Variants in PIP5K1B observed in about 807,000 individuals in gnomAD.
PIP5K1B encodes phosphatidylinositol-4-phosphate 5-kinase type 1 beta.
Under a neutral mutation model 67.0 loss-of-function variants are expected in PIP5K1B, and 42 were observed. The ratio of observed to expected loss-of-function variants is 0.63; its 90% confidence interval spans 0.49 to 0.81. PIP5K1B has a LOEUF of 0.81. PIP5K1B is among the 30% of genes least tolerant of loss of function. The pLI, the probability that PIP5K1B is intolerant of heterozygous loss-of-function variation, is 0.00. For missense variants in PIP5K1B, 459 were observed against 646.3 expected (o/e 0.71, Z 3.14); for synonymous variants, 214 against 231.4 (o/e 0.92, Z 0.68).
At chr9:68,922,786 T>G (rs938640180) in intron 11 of PIP5K1B, among the ~76,000 whole-genome samples, 1 of 152,304 alleles carries the variant, frequency 6.6e-6, no homozygotes, top group Admixed American at 6.5e-5. Flanking sequence ...TAGCCTTGTC[T>G]CCTAGGAATC....
At chr9:68,859,717 T>C (rs1822964335) in intron 4 of PIP5K1B, among the ~76,000 whole-genome samples, 1 of 152,156 alleles carries the variant, frequency 6.6e-6, no homozygotes, top group Admixed American at 6.5e-5. Flanking sequence ...GGACTATTGG[T>C]TCTAATACTG....
chr9:68,819,525 G>C (rs2132059606), intron 3 of PIP5K1B, among the ~76,000 whole-genome samples: 1 of 152,246 alleles, frequency 6.6e-6, no homozygotes, highest in Admixed American at 6.5e-5. Flanking sequence ...ATCCCATCCT[G>C]GCGTCCCAAA....
intron 9 of PIP5K1B, 141 bp downstream of exon 9, chr9:68,917,900 C>T: frequency 4.8e-6 from 3 of 624,986 alleles, no homozygotes; most frequent in Non-Finnish European, 8.5e-6. Context: ...AAACTGGTCT[C>T]CATTTCTATT....
At chr9:68,761,056 A>G (rs1830161684) in intron 2 of PIP5K1B, among the ~76,000 whole-genome samples, 1 of 152,042 alleles carries the variant, frequency 6.6e-6, no homozygotes, top group Admixed American at 6.6e-5. Flanking sequence ...GAGAGAGAGA[A>G]TGAAGATTCT....
intron 14 of PIP5K1B, among the ~76,000 whole-genome samples, chr9:68,966,181 A>G (rs1829022485): frequency 6.6e-6 from 1 of 152,146 alleles, no homozygotes. Flanking sequence ...AAATAAATAA[A>G]TGGAGGAGAG....
At chr9:68,991,292 T>C (rs780192310) in intron 15 of PIP5K1B, 35 bp downstream of exon 15, 8 of 1,124,008 alleles carry the variant, frequency 7.1e-6, no homozygotes, top group Non-Finnish European at 9.6e-6. Flanking sequence ...CCTCCACTTC[T>C]GGTTTGTAAA....
chr9:68,979,246 G>A (rs1281236945), intron 14 of PIP5K1B, among the ~76,000 whole-genome samples: 1 of 152,162 alleles, frequency 6.6e-6, no homozygotes, highest in Non-Finnish European at 1.5e-5. Context: ...TGCCACCAGA[G>A]GTGAGACAAG....
chr9:68,819,361 A>G (rs1393840761), intron 3 of PIP5K1B, among the ~76,000 whole-genome samples: 1 of 151,924 alleles, frequency 6.6e-6, no homozygotes, highest in African/African-American at 2.4e-5. Flanking sequence ...GCAGCCTCAA[A>G]CTCCTGGGCT....
chr9:68,982,608 A>G (rs1260916972), intron 14 of PIP5K1B, among the ~76,000 whole-genome samples: 3 of 152,076 alleles, frequency 2.0e-5, no homozygotes, highest in Admixed American at 1.3e-4. Context: ...AATACAAAAA[A>G]AAAAGTAGTT....
chr9:68,795,918 CAT>C (rs1832266601), intron 2 of PIP5K1B, among the ~76,000 whole-genome samples: 1 of 152,044 alleles, frequency 6.6e-6, no homozygotes, highest in Admixed American at 6.5e-5. Context: ...GTATTTTAAT[CAT>C]GTGAAAAAAA....
intron 2 of PIP5K1B, among the ~76,000 whole-genome samples, chr9:68,755,967 G>A (rs1443807157): frequency 6.6e-6 from 1 of 152,174 alleles, no homozygotes; most frequent in Non-Finnish European, 1.5e-5. Context: ...TCAGCAACTG[G>A]GTGGCCTCTG....
chr9:68,745,058 C>G (rs1397154643), intron 2 of PIP5K1B, among the ~76,000 whole-genome samples: 3 of 152,196 alleles, frequency 2.0e-5, no homozygotes, highest in African/African-American at 7.2e-5. Context: ...ACTGTCGTTT[C>G]CTTTGGCTTG....
intron 11 of PIP5K1B, 24 bp downstream of exon 11, chr9:68,919,753 A>T: frequency 7.5e-7 from 1 of 1,341,626 alleles, no homozygotes; most frequent in Admixed American, 1.7e-5. Context: ...TTTCCTTATT[A>T]TACTGTATAT....
At chr9:68,909,745 T>C (rs1825772033) in intron 8 of PIP5K1B, among the ~76,000 whole-genome samples, 2 of 152,228 alleles carry the variant, frequency 1.3e-5, no homozygotes, top group Non-Finnish European at 2.9e-5. Context: ...TAGGTCTGAC[T>C]TCATATTTGA....
intron 2 of PIP5K1B, among the ~76,000 whole-genome samples, chr9:68,764,280 A>T (rs112222982): frequency 5.3e-5 from 8 of 151,730 alleles, no homozygotes; most frequent in African/African-American, 1.9e-4. Flanking sequence ...ACAGTGCGTT[A>T]TTTTTGGGAA....
At chr9:68,982,445 T>G (rs1167220778) in intron 14 of PIP5K1B, among the ~76,000 whole-genome samples, 1 of 152,162 alleles carries the variant, frequency 6.6e-6, no homozygotes, top group Non-Finnish European at 1.5e-5. Flanking sequence ...GACATTTAAA[T>G]GAAAATCCTT....
rs185757577 is a variant in PIP5K1B, at chr9:68,746,572, A to G, written c.-86+3915A>G. Among the ~76,000 whole-genome samples the G allele has an allele frequency of 3.6e-3, 548 of 152,218 alleles. 2 individuals carry two copies. Among genetic ancestry groups the G allele is most frequent in the African/African-American group, 0.012 (508 of 41,544 alleles). ...GCAAGTGGAGCAGAGGTGCCACCCCATGTTACAGATACCCACACCAAGGAG... is the reference window on the plus strand; with the variant it reads ...GCAAGTGGAGCAGAGGTGCCACCCCGTGTTACAGATACCCACACCAAGGAG... On this transcript the variant is annotated intron_variant, in intron 2 of 15. Transcript: ENST00000265382.
intron 13 of PIP5K1B, among the ~76,000 whole-genome samples, chr9:68,937,470 T>C (rs1403048250): frequency 6.6e-6 from 1 of 152,226 alleles, no homozygotes; most frequent in Non-Finnish European, 1.5e-5. Context: ...CATTTTTTAT[T>C]GCATCCATTT....
intron 4 of PIP5K1B, among the ~76,000 whole-genome samples, chr9:68,836,607 A>T (rs1206356443): frequency 6.7e-6 from 1 of 149,494 alleles, no homozygotes; most frequent in African/African-American, 2.5e-5. Flanking sequence ...AGCATATGGG[A>T]TATGTACACA....
Sources: gnomAD v4.1 joint callset for allele counts (sites outside exome capture counted in the v4.1 genomes callset) on GRCh38, gnomAD v4.1.1 for gene constraint, MANE v1.5 for transcripts, NCBI Gene and HGNC (gene_info 2026-07-23, HGNC 2026-07-21) for gene names.